The following IBTK variants were observed in gnomAD, a reference collection of about 807,000 sequenced individuals.
The protein encoded by IBTK is inhibitor of Bruton tyrosine kinase.
Under a neutral mutation model 154.9 loss-of-function variants are expected in IBTK, and 83 were observed. The observed-to-expected ratio is 0.54, with a 90% confidence interval of 0.45 to 0.64. IBTK has a LOEUF of 0.64. IBTK is among the 30% of genes least tolerant of loss of function. The pLI, the probability that IBTK is intolerant of heterozygous loss-of-function variation, is 0.00. For missense variants in IBTK, 1,332 were observed against 1,584.6 expected, an observed-to-expected ratio of 0.84 and a Z score of 2.71; for synonymous variants, 515 against 536.1, an observed-to-expected ratio of 0.96 and a Z score of 0.54.
At chr6:82,213,862 G>A (rs1219031445) in intron 12 of IBTK, among the ~76,000 whole-genome samples, 1 of 152,116 alleles carries the variant, frequency 6.6e-6, no homozygotes, top group African/African-American at 2.4e-5. Context: ...GGAGAGAGAG[G>A]AAGAGGAGGG....
intron 1 of IBTK, among the ~76,000 whole-genome samples, chr6:82,246,229 T>C (rs1277349560): frequency 2.0e-5 from 3 of 152,072 alleles, no homozygotes; most frequent in Non-Finnish European, 4.4e-5. Flanking sequence ...TTCAAAATAA[T>C]TGAATTCAAA....
At chr6:82,237,574 C>CAGT (rs1357939991) in intron 2 of IBTK, among the ~76,000 whole-genome samples, 97 of 109,952 alleles carry the variant, frequency 8.8e-4, no homozygotes, top group East Asian at 2.0e-3. Context: ...GCAGCAGCAG[C>CAGT]AGTAGTAGTA....
At chr6:82,237,628 G>T (rs1480851773) in intron 2 of IBTK, among the ~76,000 whole-genome samples, 1 of 146,310 alleles carries the variant, frequency 6.8e-6, no homozygotes. Context: ...AGTAGTAGTA[G>T]TAGCAGTAGT....
intron 22 of IBTK, among the ~76,000 whole-genome samples, 185 bp from the exon 23 acceptor site, chr6:82,194,827 T>C (rs1434477190): frequency 6.6e-6 from 1 of 152,162 alleles, no homozygotes; most frequent in Non-Finnish European, 1.5e-5. Flanking sequence ...TCAAATCACA[T>C]TATTGACTAT....
At chr6:82,215,524 TGCCTGTAATCCTA>T (rs1305760223) in intron 11 of IBTK, among the ~76,000 whole-genome samples, 2 of 152,064 alleles carry the variant, frequency 1.3e-5, no homozygotes, top group African/African-American at 2.4e-5. Flanking sequence ...CGGTGGCTCA[TGCCTGTAATCCTA>T]GCACTTTGGG....
At chr6:82,197,403 C>T (rs1206889941) in intron 21 of IBTK, among the ~76,000 whole-genome samples, 7 of 127,052 alleles carry the variant, frequency 5.5e-5, no homozygotes, top group African/African-American at 1.2e-4. Context: ...CAGAGTCTTA[C>T]TCTATTGCCC....
At chr6:82,184,146 T>C (rs906061099) in intron 25 of IBTK, among the ~76,000 whole-genome samples, 2 of 152,240 alleles carry the variant, frequency 1.3e-5, no homozygotes, top group African/African-American at 4.8e-5. Context: ...CCACTGACTA[T>C]GCCATAATTG....
intron 17 of IBTK, among the ~76,000 whole-genome samples, chr6:82,204,103 AG>A (rs1769312213): frequency 1.3e-5 from 2 of 152,138 alleles, no homozygotes. Flanking sequence ...ATATGTAAAC[AG>A]GGGGAAGATG....
intron 22 of IBTK, among the ~76,000 whole-genome samples, chr6:82,195,798 C>G (rs1342326659): frequency 6.6e-6 from 1 of 152,134 alleles, no homozygotes; most frequent in East Asian, 1.9e-4. Flanking sequence ...ATGCCCTCCC[C>G]AGAGCTGATT....
At chr6:82,191,448 C>T in intron 24 of IBTK, 4 of 562,294 alleles carry the variant, frequency 7.1e-6, no homozygotes, top group Non-Finnish European at 3.1e-6. Context: ...CAAGTAATAG[C>T]TACATATGAG....
At chr6:82,209,637 C>T (rs529309931) in intron 16 of IBTK, among the ~76,000 whole-genome samples, 125 of 152,226 alleles carry the variant, frequency 8.2e-4, no homozygotes, top group Middle Eastern at 6.8e-3. Context: ...TAGAATTATA[C>T]AGTGATGATA....
At chr6:82,226,915 T>G (rs1770319372) in intron 5 of IBTK, among the ~76,000 whole-genome samples, 1 of 152,210 alleles carries the variant, frequency 6.6e-6, no homozygotes, top group Admixed American at 6.5e-5. Flanking sequence ...CTAGTCTGCC[T>G]TCTTCTATTT....
chr6:82,218,087 G>T lies in IBTK; in HGVS notation c.1299C>A (p.Ala433=). ...CAGAAATGAAGACCTGACGTGGATAGGCCCATCGACACTGCTTCAGAGAAC... is the reference window on the plus strand; with the variant it reads ...CAGAAATGAAGACCTGACGTGGATATGCCCATCGACACTGCTTCAGAGAAC... The part of the protein sequence containing the change: ...VNSSLKQCRW[A]YPRQVFISDI... Residue 433 remains alanine (A), a synonymous_variant, in exon 10 of 29, where the codon GCC becomes GCA. Transcript: ENST00000306270. 6.2e-7 allele frequency: 1 copy of T among 1,605,968 alleles called. No individual in the cohort carries two copies.
rs1277028769 is a variant in IBTK, at chr6:82,247,335, C to A, written c.-358+227G>T. Among the ~76,000 whole-genome samples, 4 of 152,376 alleles carry A rather than the reference C, an allele frequency of 2.6e-5. No homozygotes were observed. In the South Asian group the frequency reaches 6.2e-4, roughly 24 times the overall value. ...GAGCGTAGCGCATCGCCGGGACAGG[C>A]CATTCATTAGCTGAGGGGGGCGGTA... On this transcript the variant is annotated intron_variant, in intron 1 of 28. Coordinates refer to ENST00000306270, the MANE Select transcript of IBTK (RefSeq NM_015525.4).
intron 4 of IBTK, among the ~76,000 whole-genome samples, chr6:82,227,975 G>A (rs1466560610): frequency 1.3e-5 from 2 of 151,662 alleles, no homozygotes; most frequent in South Asian, 2.1e-4. Flanking sequence ...TACTACAGAA[G>A]ACAAAGATAC....
chr6:82,239,745 C>A (rs1770870118), intron 2 of IBTK, among the ~76,000 whole-genome samples: 1 of 152,026 alleles, frequency 6.6e-6, no homozygotes, highest in Non-Finnish European at 1.5e-5. Context: ...ACTGCTCAGG[C>A]TGCAGCACAG....
chr6:82,239,163 T>C (rs911909314), intron 2 of IBTK, among the ~76,000 whole-genome samples: 11 of 151,896 alleles, frequency 7.2e-5, no homozygotes, highest in Non-Finnish European at 1.2e-4. Flanking sequence ...AATAATAGGC[T>C]GGGCATGGTG....
rs762588849 is a variant in IBTK at position 82,220,665 on chromosome 6, G to A, written c.1173C>T (p.Tyr391=). Residue 391 remains tyrosine, a synonymous_variant, in exon 9 of 29, where the codon TAC becomes TAT. Transcript: ENST00000306270. ...CTTTCAAATGTTCAGGATCAACCTT[G>A]TATTCCATATGACCCCCAGACACAA... The part of the protein sequence containing the change: ...KVLVSGGHME[Y]KVDPEHLKEN... 1.2e-6 allele frequency: 2 copies of A among 1,602,972 alleles called. No homozygotes were observed. Among genetic ancestry groups the A allele is most frequent in the Non-Finnish European group, 8.5e-7 (1 of 1,174,594 alleles).
Position 82,201,421 on chromosome 6 carries a change from C to T in IBTK, c.2790+1G>A, listed in dbSNP as rs1259175805. On this transcript the variant is annotated splice_donor_variant, in intron 19 of 28. Transcript: ENST00000306270. LOFTEE classifies it high-confidence loss of function. Reference sequence around the variant, plus strand: ...CGAAAATCTTAAAACATAAACCTTACCATTTTCCGGTAAAACTCAGAAAGA... The same window carrying T: ...CGAAAATCTTAAAACATAAACCTTATCATTTTCCGGTAAAACTCAGAAAGA... 2 of 1,605,828 alleles carry T rather than the reference C, an allele frequency of 1.2e-6. No homozygotes were observed. The highest frequency in any genetic ancestry group is 1.1e-5 in the South Asian group (1 of 90,086).
Sources: gnomAD v4.1 joint callset for allele counts (sites outside exome capture counted in the v4.1 genomes callset) on GRCh38, gnomAD v4.1.1 for gene constraint, MANE v1.5 for transcripts, NCBI Gene and HGNC (gene_info 2026-07-23, HGNC 2026-07-21) for gene names.